The following MTRF1 variants were observed in gnomAD, a reference collection of about 807,000 sequenced individuals.
MTRF1 encodes peptide chain release factor 1, mitochondrial.
MTRF1 carries 51 observed loss-of-function variants against 62.9 expected under a neutral mutation model. The observed-to-expected ratio is 0.81, with a 90% CI of 0.65 to 1.02. MTRF1 has a LOEUF of 1.02. Ranked by LOEUF, MTRF1 falls within the 50% of genes least tolerant of loss-of-function variation. The pLI is 0.00. For missense variants in MTRF1, 446 were observed against 530.0 expected (o/e 0.84, Z 1.56); for synonymous variants, 158 against 181.9 (o/e 0.87, Z 1.06).
chr13:41,307,397 G>A, the MTRF1 span, among the ~76,000 whole-genome samples: 2 of 152,154 alleles, frequency 1.3e-5, no homozygotes, highest in East Asian at 1.9e-4. Context: ...AGGCTGAGGC[G>A]GGTGGATCAC....
chr13:41,238,008 G>A (rs999143354), intron 6 of MTRF1, among the ~76,000 whole-genome samples: 7 of 152,078 alleles, frequency 4.6e-5, no homozygotes, highest in African/African-American at 1.7e-4. Flanking sequence ...AAGTTGAGGG[G>A]TGACAAAAAT....
At chr13:41,230,270 T>C (rs1021743760) in intron 7 of MTRF1, among the ~76,000 whole-genome samples, 4 of 146,458 alleles carry the variant, frequency 2.7e-5, no homozygotes, top group South Asian at 2.1e-4. Flanking sequence ...TATTCTTTTC[T>C]TTTTTTTTTT....
the MTRF1 span, among the ~76,000 whole-genome samples, chr13:41,302,817 G>A: frequency 1.6e-4 from 25 of 152,236 alleles, no homozygotes; most frequent in Admixed American, 1.0e-3. Flanking sequence ...GAGCCACTGC[G>A]CCTGGCCTAG....
the MTRF1 span, chr13:41,311,693 C>T: frequency 2.0e-6 from 2 of 1,001,294 alleles, no homozygotes; most frequent in Non-Finnish European, 1.5e-6. Context: ...CCGCTGCCCA[C>T]CGCTCTTTGT....
chr13:41,234,064 G>A (rs2036062631), intron 6 of MTRF1, 57 bp from the exon 7 acceptor site: 5 of 1,293,296 alleles, frequency 3.9e-6, no homozygotes, highest in East Asian at 2.3e-5. Flanking sequence ...ATATAAAATC[G>A]ATTCCAAGAT....
At chr13:41,233,684 G>A (rs532131209) in intron 7 of MTRF1, among the ~76,000 whole-genome samples, 4 of 152,236 alleles carry the variant, frequency 2.6e-5, no homozygotes, top group African/African-American at 7.2e-5. Context: ...CCCTGAATAG[G>A]TCTGCTCACC....
chr13:41,266,126 C>T (rs550213261), upstream of MTRF1, among the ~76,000 whole-genome samples: 22 of 151,666 alleles, frequency 1.5e-4, no homozygotes, highest in Non-Finnish European at 1.8e-4. Context: ...GGATTACAGG[C>T]ATGAGCCACC....
At chr13:41,225,300 G>A (rs958866388) in intron 8 of MTRF1, among the ~76,000 whole-genome samples, 6 of 151,870 alleles carry the variant, frequency 4.0e-5, no homozygotes, top group Non-Finnish European at 5.9e-5. Context: ...ATTCAAATGT[G>A]GCAGAGTTCA....
intron 9 of MTRF1, among the ~76,000 whole-genome samples, chr13:41,217,879 T>C (rs989576801): frequency 6.6e-6 from 1 of 152,234 alleles, no homozygotes; most frequent in African/African-American, 2.4e-5. Context: ...TGGTTTATGA[T>C]AGTTTTTTAT....
At chr13:41,226,857 T>A (rs531327440) in intron 7 of MTRF1, among the ~76,000 whole-genome samples, 1 of 152,184 alleles carries the variant, frequency 6.6e-6, no homozygotes, top group Admixed American at 6.5e-5. Flanking sequence ...TCCTAGCTCA[T>A]CCGGGCATTT....
the MTRF1 span, among the ~76,000 whole-genome samples, chr13:41,311,738 T>C: frequency 6.6e-6 from 1 of 152,172 alleles, no homozygotes; most frequent in African/African-American, 2.4e-5. Flanking sequence ...ACTTTCCCGC[T>C]CCGGCCGGCC....
intron 2 of MTRF1, 87 bp from the exon 3 acceptor site, chr13:41,254,707 A>C: frequency 1.0e-6 from 1 of 956,050 alleles, no homozygotes; most frequent in Non-Finnish European, 1.6e-6. Context: ...TTGGCTACTA[A>C]GTTTTATTTC....
At chr13:41,282,379 C>A in the MTRF1 span, among the ~76,000 whole-genome samples, 1 of 151,718 alleles carries the variant, frequency 6.6e-6, no homozygotes, top group Admixed American at 6.6e-5. Flanking sequence ...ATTGCTTGAG[C>A]CTGGTAGATT....
chr13:41,225,842 T>C (rs2034327363), intron 8 of MTRF1, among the ~76,000 whole-genome samples: 2 of 151,328 alleles, frequency 1.3e-5, no homozygotes, highest in Admixed American at 1.3e-4. Context: ...TTAAATTATA[T>C]ATTAGGTTTA....
intron 5 of MTRF1, among the ~76,000 whole-genome samples, chr13:41,250,225 ACT>A (rs1428694272): frequency 6.8e-6 from 1 of 146,920 alleles, no homozygotes; most frequent in Non-Finnish European, 1.5e-5. Flanking sequence ...TCTCCTTGAA[ACT>A]CTCTCCTCTT....
chr13:41,304,024 T>A, the MTRF1 span, among the ~76,000 whole-genome samples: 1 of 152,150 alleles, frequency 6.6e-6, no homozygotes, highest in Non-Finnish European at 1.5e-5. Context: ...CCACTTTACT[T>A]CCTTAATAAA....
the MTRF1 span, among the ~76,000 whole-genome samples, chr13:41,306,111 G>T: frequency 6.6e-6 from 1 of 152,254 alleles, no homozygotes; most frequent in African/African-American, 2.4e-5. Flanking sequence ...GGCTGGGCGC[G>T]GTGGCTCACG....
chr13:41,308,294 T>C, the MTRF1 span, among the ~76,000 whole-genome samples: 1 of 152,262 alleles, frequency 6.6e-6, no homozygotes, highest in Non-Finnish European at 1.5e-5. Context: ...TTCTCTTGTA[T>C]ATTTCTTTTA....
the MTRF1 span, among the ~76,000 whole-genome samples, chr13:41,274,116 A>G: frequency 6.6e-6 from 1 of 152,152 alleles, no homozygotes; most frequent in African/African-American, 2.4e-5. Flanking sequence ...TAGCTTAGTG[A>G]TTTGGGGGCC....
Sources: gnomAD v4.1 joint callset for allele counts (sites outside exome capture counted in the v4.1 genomes callset) on GRCh38, gnomAD v4.1.1 for gene constraint, MANE v1.5 for transcripts, NCBI Gene and HGNC (gene_info 2026-07-23, HGNC 2026-07-21) for gene names.